The following ARL15 variants were observed in gnomAD, a reference collection of about 807,000 sequenced individuals.
ARL15 encodes ARF like GTPase 15, also known as ADP-ribosylation factor-like protein 15.
ARL15 carries 19 observed loss-of-function variants against 25.2 expected under a neutral mutation model. The ratio of observed to expected loss-of-function variants is 0.75; its 90% CI spans 0.53 to 1.10. The LOEUF (loss-of-function observed/expected upper bound fraction) is 1.10. ARL15 is among the 50% of genes least tolerant of loss of function. The pLI is 0.00. For synonymous variants in ARL15, 94 were observed against 86.8 expected, an observed-to-expected ratio of 1.08 and a Z score of -0.46; for missense variants, 220 against 246.0, an observed-to-expected ratio of 0.89 and a Z score of 0.71.
chr5:54,159,450 C>T (rs980986442), intron 2 of ARL15, among the ~76,000 whole-genome samples: 2 of 152,184 alleles, frequency 1.3e-5, no homozygotes, highest in African/African-American at 4.8e-5. Flanking sequence ...TTTGTCTTGC[C>T]TTGGCCTTGA....
In ARL15 at chr5:54,230,261, C is replaced by T. The variant is rs1385268912; in HGVS notation, c.49-58333G>A. On this transcript the variant is annotated intron_variant, in intron 1 of 4. Coordinates refer to ENST00000504924, the MANE Select transcript of ARL15 (RefSeq NM_019087.3). The stretch of plus-strand genomic sequence containing the variant: ...ACTTGGGAGGCTGAGGCAGGAGAAT[C>T]GCTTGAACCGGCAGGCGGAGGTTGC... 5.3e-5 allele frequency among the ~76,000 whole-genome samples: 8 copies of T among 149,748 alleles called. 1 individual carries two copies. Among genetic ancestry groups the T allele is most frequent in the Admixed American group, 2.0e-4 (3 of 15,024 alleles).
intron 4 of ARL15, among the ~76,000 whole-genome samples, chr5:54,000,685 C>T (rs1748824327): frequency 6.6e-6 from 1 of 152,124 alleles, no homozygotes; most frequent in African/African-American, 2.4e-5. Flanking sequence ...TCTGTCTTCC[C>T]TTATAAGAAA....
At chr5:53,931,705 C>T (rs778574894) in intron 4 of ARL15, among the ~76,000 whole-genome samples, 4 of 152,186 alleles carry the variant, frequency 2.6e-5, no homozygotes, top group Non-Finnish European at 5.9e-5. Context: ...GCTACTTTCT[C>T]AACAGCATAA....
intron 1 of ARL15, among the ~76,000 whole-genome samples, chr5:54,259,887 T>C (rs1579959387): frequency 6.6e-6 from 1 of 152,316 alleles, no homozygotes; most frequent in East Asian, 1.9e-4. Context: ...TTAAGAATCA[T>C]GGAAGAGGAT....
chr5:54,288,150 G>C (rs1269672658), intron 1 of ARL15, among the ~76,000 whole-genome samples: 1 of 152,222 alleles, frequency 6.6e-6, no homozygotes, highest in Non-Finnish European at 1.5e-5. Context: ...AGTAGACCCA[G>C]AGAGAAATCA....
chr5:54,131,729 C>T (rs189289096), intron 3 of ARL15, among the ~76,000 whole-genome samples: 3 of 152,172 alleles, frequency 2.0e-5, no homozygotes, highest in Admixed American at 2.0e-4. Context: ...GAGGATACCA[C>T]ATTAGTGTGG....
chr5:53,913,535 TACTA>T (rs1170423469), intron 4 of ARL15, among the ~76,000 whole-genome samples: 3 of 152,208 alleles, frequency 2.0e-5, no homozygotes, highest in Non-Finnish European at 2.9e-5. Flanking sequence ...TTTTATTACT[TACTA>T]ACTCTTTGGC....
At chr5:53,998,838 C>T (rs1368328269) in intron 4 of ARL15, among the ~76,000 whole-genome samples, 1 of 152,120 alleles carries the variant, frequency 6.6e-6, no homozygotes, top group Non-Finnish European at 1.5e-5. Flanking sequence ...GGGTTTGGTG[C>T]CAATGAGAAC....
chr5:54,087,766 C>A (rs1374587397), intron 4 of ARL15, among the ~76,000 whole-genome samples: 1 of 16,292 alleles, frequency 6.1e-5, no homozygotes, highest in Non-Finnish European at 2.5e-4. Flanking sequence ...ATTTGAGTCT[C>A]TTAAGTTCAA....
intron 2 of ARL15, among the ~76,000 whole-genome samples, chr5:54,167,539 C>G (rs1754609868): frequency 6.6e-6 from 1 of 152,114 alleles, no homozygotes; most frequent in Non-Finnish European, 1.5e-5. Flanking sequence ...TGTTGTTGTT[C>G]TTCTTCTTTT....
rs541183277 is a variant in ARL15 at position 54,095,856 on chromosome 5, C to G, written c.462+17346G>C. On this transcript the variant is annotated intron_variant, in intron 4 of 4. Transcript: ENST00000504924. ...AAAGAGAAAAAAACTTGAATCAAGA[C>G]TTCAAAGTTAAAAAAAAAAAATTAG... Among the ~76,000 whole-genome samples the G allele has an allele frequency of 1.3e-3, 190 of 150,770 alleles. 1 individual carries two copies. The highest frequency in any genetic ancestry group is 3.0e-3 in the Admixed American group (46 of 15,166).
chr5:53,887,674 A>C (rs1454583996), intron 4 of ARL15, among the ~76,000 whole-genome samples: 1 of 152,220 alleles, frequency 6.6e-6, no homozygotes, highest in East Asian at 1.9e-4. Context: ...AGTTTTACAT[A>C]ACATCAAATA....
chr5:54,207,510 T>C (rs62372178), intron 1 of ARL15, among the ~76,000 whole-genome samples: 52,573 of 152,124 alleles, frequency 0.35, 10,334 homozygotes, highest in Non-Finnish European at 0.43. Flanking sequence ...CTCTTTAAAG[T>C]GGCAGGTTGA....
intron 1 of ARL15, among the ~76,000 whole-genome samples, chr5:54,239,517 C>T (rs2112572306): frequency 6.6e-6 from 1 of 152,244 alleles, no homozygotes; most frequent in South Asian, 2.1e-4. Flanking sequence ...GCCAGGGGTT[C>T]CCCAATATAT....
chr5:54,220,058 A>T (rs11747189), intron 1 of ARL15, among the ~76,000 whole-genome samples: 30,231 of 152,006 alleles, frequency 0.2, 3,809 homozygotes, highest in Non-Finnish European at 0.3. Context: ...CAGATTATTT[A>T]AAAAAAACAC....
chr5:54,153,841 C>T (rs983595168), intron 3 of ARL15, among the ~76,000 whole-genome samples: 27 of 152,080 alleles, frequency 1.8e-4, no homozygotes, highest in African/African-American at 6.5e-4. Context: ...CAAAACAAAA[C>T]AAGGTAAGGC....
chr5:54,130,222 C>T (rs1458309010), intron 3 of ARL15, among the ~76,000 whole-genome samples: 3 of 151,922 alleles, frequency 2.0e-5, no homozygotes, highest in Non-Finnish European at 4.4e-5. Context: ...TGTCTCAAAA[C>T]AAAACAAACA....
At chr5:53,890,246 T>G (rs931842582) in intron 4 of ARL15, among the ~76,000 whole-genome samples, 3 of 152,236 alleles carry the variant, frequency 2.0e-5, no homozygotes, top group Admixed American at 6.5e-5. Context: ...TATATGTTGA[T>G]GTACAGTTTT....
At chr5:54,210,151 G>C (rs1462661402) in intron 1 of ARL15, among the ~76,000 whole-genome samples, 1 of 152,032 alleles carries the variant, frequency 6.6e-6, no homozygotes, top group African/African-American at 2.4e-5. Flanking sequence ...ACAAAAATAT[G>C]CTTTTTCTTT....
Sources: gnomAD v4.1 joint callset for allele counts (sites outside exome capture counted in the v4.1 genomes callset) on GRCh38, gnomAD v4.1.1 for gene constraint, MANE v1.5 for transcripts, NCBI Gene and HGNC (gene_info 2026-07-23, HGNC 2026-07-21) for gene names.